Variants in ESR1 observed in about 807,000 individuals in gnomAD.
ESR1 encodes estrogen receptor.
Under a neutral mutation model 52.7 loss-of-function variants are expected in ESR1, and 12 were observed. That is an observed-to-expected ratio of 0.23 (90% CI 0.15 to 0.37). ESR1 has a LOEUF of 0.37. ESR1 is among the 10% of genes least tolerant of loss of function. ESR1 has a pLI of 1.00. For synonymous variants in ESR1, 305 were observed against 316.8 expected, an observed-to-expected ratio of 0.96 and a Z score of 0.39; for missense variants, 584 against 779.7, an observed-to-expected ratio of 0.75 and a Z score of 2.99.
chr6:151,823,462 G>C (rs940228669), intron 1 of ESR1, among the ~76,000 whole-genome samples: 1 of 151,784 alleles, frequency 6.6e-6, no homozygotes. Flanking sequence ...TTTTGTTTTT[G>C]TTTTTGTTTT....
intron 3 of ESR1, among the ~76,000 whole-genome samples, chr6:151,937,754 T>A (rs2034539724): frequency 6.6e-6 from 1 of 152,216 alleles, no homozygotes; most frequent in Admixed American, 6.5e-5. Flanking sequence ...TATCATGATA[T>A]AATCATCTTA....
intron 2 of ESR1, among the ~76,000 whole-genome samples, chr6:151,736,329 T>C (rs1562366628): frequency 6.6e-6 from 1 of 150,436 alleles, no homozygotes; most frequent in Non-Finnish European, 1.5e-5. Context: ...TTCTCCTAAT[T>C]TTAAAAGTAA....
At chr6:151,846,192 G>A (rs946043481) in intron 2 of ESR1, among the ~76,000 whole-genome samples, 5 of 152,188 alleles carry the variant, frequency 3.3e-5, no homozygotes, top group East Asian at 1.9e-4. Context: ...AAGGCAGAGC[G>A]CGGGGAATTC....
At chr6:151,922,797 G>T (rs928539668) in intron 3 of ESR1, among the ~76,000 whole-genome samples, 2 of 152,106 alleles carry the variant, frequency 1.3e-5, no homozygotes, top group Non-Finnish European at 2.9e-5. Context: ...AGCTGATAGT[G>T]CAAAGAGATA....
Position 152,098,553 on chromosome 6 carries a change from G to C in ESR1, c.1554-179G>C, listed in dbSNP as rs2050820350. ...ACACACGGCCATGAGTTCCAGATTA[G>C]GGCTTCTGAAAGCCCTCAGCTTTCC... is the stretch of plus-strand genomic sequence containing the variant. On this transcript the variant is annotated intron_variant, in intron 7 of 7. Transcript: ENST00000206249. The surrounding 1 kb of genome is among the most constrained non-coding windows in gnomAD (Gnocchi z 5.1). Among the ~76,000 whole-genome samples the C allele has an allele frequency of 6.6e-6, 1 of 152,028 alleles. No homozygotes were observed.
Position 151,883,838 on chromosome 6 carries a change from T to C in ESR1, c.760+3067T>C, listed in dbSNP as rs79907506. Among the ~76,000 whole-genome samples the C allele has an allele frequency of 3.4e-4, 52 of 152,290 alleles. No homozygotes were observed. In the East Asian group the frequency reaches 7.6e-3, roughly 22 times the overall value. ...GCTGCCTTCTCTCTGTGTCCCCACA[T>C]GGCCTTTTCTCGGGGCATCCACAGC... On this transcript the variant is annotated intron_variant, in intron 3 of 7. Coordinates refer to ENST00000206249, the MANE Select transcript of ESR1 (RefSeq NM_000125.4).
chr6:151,772,111 C>A (rs1221869407), intron 2 of ESR1, among the ~76,000 whole-genome samples: 2 of 152,150 alleles, frequency 1.3e-5, no homozygotes, highest in African/African-American at 4.8e-5. Context: ...GTAAAGCAAG[C>A]AATGTGGGTT....
intron 2 of ESR1, among the ~76,000 whole-genome samples, chr6:151,846,411 A>G (rs1785130454): frequency 6.6e-6 from 1 of 152,204 alleles, no homozygotes; most frequent in African/African-American, 2.4e-5. Flanking sequence ...CATAGTCTTG[A>G]TAACTTGGAA....
chr6:151,986,209 A>G (rs530657577), intron 4 of ESR1, among the ~76,000 whole-genome samples: 5 of 152,114 alleles, frequency 3.3e-5, no homozygotes, highest in African/African-American at 4.8e-5. Context: ...TGAATGAAGC[A>G]CTGGTTTTGA....
At chr6:151,802,519 A>G (rs1200478510), upstream of ESR1, among the ~76,000 whole-genome samples, 1 of 152,220 alleles carries the variant, frequency 6.6e-6, no homozygotes, top group Admixed American at 6.5e-5. Flanking sequence ...TAATGGAGCT[A>G]GAGAAGAAGC....
chr6:151,759,268 CAAAAAAA>C (rs984171376), intron 2 of ESR1, among the ~76,000 whole-genome samples: 99 of 66,430 alleles, frequency 1.5e-3, no homozygotes, highest in Non-Finnish European at 2.4e-3. Flanking sequence ...GACTCTGTCT[CAAAAAAA>C]AAAAAAAAAA....
chr6:151,954,511 A>G (rs2036684501), intron 4 of ESR1, among the ~76,000 whole-genome samples: 2 of 152,210 alleles, frequency 1.3e-5, no homozygotes, highest in South Asian at 4.1e-4. Flanking sequence ...GTAGTGTTAC[A>G]TGTATTCATT....
chr6:151,777,874 C>T (rs925790562), intron 2 of ESR1, among the ~76,000 whole-genome samples: 2 of 152,074 alleles, frequency 1.3e-5, no homozygotes, highest in East Asian at 1.9e-4. Context: ...GCAGGAGAAT[C>T]GCTTGAACCC....
chr6:151,849,658 A>G (rs1412399822), intron 2 of ESR1, among the ~76,000 whole-genome samples: 1 of 151,170 alleles, frequency 6.6e-6, no homozygotes, highest in African/African-American at 2.4e-5. Context: ...AAAAAAAAAT[A>G]ATAATGATAG....
intron 4 of ESR1, among the ~76,000 whole-genome samples, chr6:151,983,247 C>T (rs1030842685): frequency 1.3e-5 from 2 of 152,082 alleles, no homozygotes; most frequent in Non-Finnish European, 2.9e-5. Flanking sequence ...AATAAAAATT[C>T]ACCACGTAGA....
intron 2 of ESR1, among the ~76,000 whole-genome samples, chr6:151,747,056 A>G (rs1480044169): frequency 6.6e-6 from 1 of 152,260 alleles, no homozygotes; most frequent in African/African-American, 2.4e-5. Context: ...GTCATCCCAC[A>G]TATCAATATT....
chr6:151,957,400 A>C (rs1319118676), intron 4 of ESR1, among the ~76,000 whole-genome samples: 3 of 152,206 alleles, frequency 2.0e-5, no homozygotes, highest in African/African-American at 7.2e-5. Context: ...ACCAGTTTCT[A>C]AAAAGCATTT....
chr6:152,098,222 A>G lies in ESR1; in HGVS notation c.1554-510A>G, dbSNP rs2050782447. ...CTGGACCAGTTGGGCCTTGTTGAAC[A>G]TGGAAAGGCATTTAGATCGTATTCT... is the stretch of plus-strand genomic sequence containing the variant. On this transcript the variant is annotated intron_variant, in intron 7 of 7. Coordinates refer to ENST00000206249, the MANE Select transcript of ESR1 (RefSeq NM_000125.4). The surrounding 1 kb of genome is among the most constrained non-coding windows in gnomAD (Gnocchi z 5.1). 6.6e-6 allele frequency among the ~76,000 whole-genome samples: 1 copy of G among 152,168 alleles called. No homozygotes were observed. Among genetic ancestry groups the G allele is most frequent in the South Asian group, 2.1e-4 (1 of 4,820 alleles).
chr6:152,059,483 CAT>C (rs1435765267), intron 5 of ESR1, among the ~76,000 whole-genome samples: 1 of 151,818 alleles, frequency 6.6e-6, no homozygotes, highest in African/African-American at 2.4e-5. Flanking sequence ...ATTAAAAATA[CAT>C]ATGACAAATG....
Sources: allele counts gnomAD v4.1 joint callset (sites outside exome capture counted in the v4.1 genomes callset), GRCh38; gene constraint gnomAD v4.1.1; non-coding constraint Gnocchi (gnomAD v3.1); transcripts MANE v1.5; gene names NCBI Gene and HGNC (gene_info 2026-07-23, HGNC 2026-07-21).